Variants in FAM131B observed in about 807,000 individuals in gnomAD.
The protein encoded by FAM131B is family with sequence similarity 131 member B, also known as protein FAM131B.
FAM131B carries 19 observed loss-of-function variants against 42.0 expected under a neutral mutation model. The ratio of observed to expected loss-of-function variants is 0.45; its 90% CI spans 0.32 to 0.66. The LOEUF (loss-of-function observed/expected upper bound fraction) is 0.66. Ranked by LOEUF, FAM131B falls within the 30% of genes least tolerant of loss-of-function variation. The probability of loss-of-function intolerance (pLI) is 0.05; values close to 1 mark genes in which losing one functional copy is unlikely to be tolerated. For missense variants in FAM131B, 370 were observed against 468.4 expected (o/e 0.79, Z 1.94); for synonymous variants, 183 against 177.6 (o/e 1.03, Z -0.24).
chr7:143,360,256 C>A, intron 1 of FAM131B, 107 bp from the exon 2 acceptor site: 1 of 1,519,888 alleles, frequency 6.6e-7, no homozygotes, highest in Non-Finnish European at 8.8e-7. Context: ...CTGCCCATTT[C>A]CTCTTATATC....
chr7:143,375,273 A>G, the FAM131B span, among the ~76,000 whole-genome samples: 1 of 152,120 alleles, frequency 6.6e-6, no homozygotes, highest in Non-Finnish European at 1.5e-5. Flanking sequence ...GCCCTACTCC[A>G]CTATTCTTAG....
At chr7:143,380,813 G>T in the FAM131B span, 1 of 979,462 alleles carries the variant, frequency 1.0e-6, no homozygotes, top group African/African-American at 1.7e-5. The surrounding 1 kb of genome is among the most constrained non-coding windows in gnomAD (Gnocchi z 5.0). Flanking sequence ...AGCTCCATAC[G>T]TTCGGCCACC....
intron 1 of FAM131B, 33 bp from the exon 2 acceptor site, chr7:143,360,182 C>T: frequency 6.3e-7 from 1 of 1,576,300 alleles, no homozygotes; most frequent in Non-Finnish European, 8.6e-7. Context: ...CGCCGGCCCT[C>T]ACCTCCCTGT....
Position 143,359,010 on chromosome 7 carries a change from T to C in FAM131B, c.283A>G (p.Met95Val). ...KSSFSGISRS[M>V]KDHVTKPTAM... ...GTGGGCTTTGTCACATGGTCCTTCA[T>C]GCTCCGTGAGATCCCTATGGGGCCA... The change falls in exon 5 of 7, where the codon ATG (methionine) becomes GTG (valine). Residue 95 changes from methionine (M) to valine (V), a missense_variant. Met to Val is a conservative substitution (Grantham distance 21). Transcript: ENST00000443739. This position sits in a 1 kb window ranked among gnomAD's most constrained non-coding sequence, Gnocchi z 5.4. The C allele has an allele frequency of 6.2e-7, 1 of 1,613,826 alleles. No homozygotes were observed. The highest frequency in any genetic ancestry group is 8.5e-7 in the Non-Finnish European group (1 of 1,180,012).
rs373552917 is a variant in FAM131B, at chr7:143,359,448, G to A, written c.175-29C>T. Reference sequence around the variant, plus strand: ...GGATGGGAATGTGGGAGGAAGGGCAGAGGAATAAGAAGGTACGGGCGTGCT... The same window carrying A: ...GGATGGGAATGTGGGAGGAAGGGCAAAGGAATAAGAAGGTACGGGCGTGCT... On this transcript the variant is annotated intron_variant, in intron 3 of 6. Coordinates refer to ENST00000443739, the MANE Select transcript of FAM131B (RefSeq NM_001031690.3). The surrounding 1 kb of genome is among the most constrained non-coding windows in gnomAD (Gnocchi z 5.4). The A allele has an allele frequency of 1.1e-4, 173 of 1,551,808 alleles. No individual in the cohort carries two copies. The highest frequency in any genetic ancestry group is 1.5e-4 in the Non-Finnish European group (172 of 1,124,698).
rs1398830904 is a variant in FAM131B, at chr7:143,359,494, T to C, written c.175-75A>G. The stretch of plus-strand genomic sequence containing the variant: ...GTGCTTTATACATGGAGGAGGTTCA[T>C]GGTTTCCAGGAAAAAGCATTCGAGC... On this transcript the variant is annotated intron_variant, in intron 3 of 6. Coordinates refer to ENST00000443739, the MANE Select transcript of FAM131B (RefSeq NM_001031690.3). This position sits in a 1 kb window ranked among gnomAD's most constrained non-coding sequence, Gnocchi z 5.4. 15 of 1,215,782 alleles carry C rather than the reference T, an allele frequency of 1.2e-5. No individual in the cohort carries two copies. The Admixed American group carries it at 1.3e-4, about 11-fold the overall frequency. The allele number at this position is 1,215,782 out of a possible 1,614,324, so 75.3% of individuals were successfully genotyped here.
At position 143,355,095 on chromosome 7, in the gene FAM131B, T is replaced by C. The variant is rs964477426; in HGVS notation, c.*1455A>G. On this transcript the variant is annotated 3_prime_UTR_variant, in exon 7 of 7. Transcript: ENST00000443739. The surrounding 1 kb of genome is among the most constrained non-coding windows in gnomAD (Gnocchi z 4.1). ...GAAGGAGATAGGGCAGTGAGCCTCT[T>C]AGGCCTCTCTCTCCTACCCGAACTC... 1 of 152,458 alleles carries C rather than the reference T, an allele frequency of 6.6e-6. No homozygotes were observed. The highest frequency in any genetic ancestry group is 1.5e-5 in the Non-Finnish European group (1 of 68,278). The allele number at this position is 152,458 out of a possible 1,614,324, so 9.4% of individuals were successfully genotyped here.
At chr7:143,373,143 G>A in the FAM131B span, among the ~76,000 whole-genome samples, 1 of 152,034 alleles carries the variant, frequency 6.6e-6, no homozygotes, top group Admixed American at 6.6e-5. Flanking sequence ...AGCACTTTGG[G>A]AAGCTGAGGC....
chr7:143,381,021 G>GCC, the FAM131B span: 1 of 267,580 alleles, frequency 3.7e-6, no homozygotes, highest in Non-Finnish European at 5.8e-6. Flanking sequence ...CGGGTCGGGC[G>GCC]GGGAGGGGGA....
the FAM131B span, chr7:143,381,429 A>G: frequency 3.2e-6 from 4 of 1,257,562 alleles, no homozygotes; most frequent in South Asian, 1.2e-4. Context: ...GGGGAGCGGC[A>G]GGGCGGCCCC....
chr7:143,370,990 C>G, the FAM131B span, among the ~76,000 whole-genome samples: 2 of 152,194 alleles, frequency 1.3e-5, no homozygotes, highest in Admixed American at 1.3e-4. Flanking sequence ...GTGAGGGACT[C>G]ATGGTTACTC....
At chr7:143,366,149 C>T (rs1252410964), upstream of FAM131B, among the ~76,000 whole-genome samples, 1 of 152,168 alleles carries the variant, frequency 6.6e-6, no homozygotes, top group African/African-American at 2.4e-5. Context: ...ACTAAAGTTA[C>T]TCAACTCAGG....
chr7:143,366,161 C>T (rs1487972686), upstream of FAM131B, among the ~76,000 whole-genome samples: 1 of 152,218 alleles, frequency 6.6e-6, no homozygotes, highest in Non-Finnish European at 1.5e-5. Flanking sequence ...CAACTCAGGA[C>T]ATTTGAATGG....
the FAM131B span, among the ~76,000 whole-genome samples, chr7:143,371,613 C>CAAAAAAAAAAAAAA: frequency 2.3e-4 from 17 of 75,008 alleles, no homozygotes; most frequent in African/African-American, 6.5e-4. Context: ...GACCCTGTCT[C>CAAAAAAAAAAAAAA]AAAAAAAAAA....
the FAM131B span, chr7:143,382,188 G>A: frequency 2.1e-6 from 3 of 1,424,494 alleles, no homozygotes; most frequent in Non-Finnish European, 2.0e-6. Context: ...GGTTAACTGA[G>A]GGGAGCTTGG....
chr7:143,359,480 A>G lies in FAM131B; in HGVS notation c.175-61T>C. 7.7e-7 allele frequency: 1 copy of G among 1,304,020 alleles called. No homozygotes were observed. The highest frequency in any genetic ancestry group is 1.1e-6 in the Non-Finnish European group (1 of 906,440). The allele number at this position is 1,304,020 out of a possible 1,614,324, so 80.8% of individuals were successfully genotyped here. A position where few individuals can be genotyped will look rare whatever the true frequency, so the allele number is the denominator to read the frequency against. ...AAGAAGGTACGGGCGTGCTTTATAC[A>G]TGGAGGAGGTTCATGGTTTCCAGGA... On this transcript the variant is annotated intron_variant, in intron 3 of 6. Transcript: ENST00000443739. The surrounding 1 kb of genome is among the most constrained non-coding windows in gnomAD (Gnocchi z 5.4).
In FAM131B at chr7:143,362,133, G is replaced by T; in HGVS notation, c.28+443C>A. 1.5e-6 allele frequency: 1 copy of T among 674,186 alleles called. No homozygotes were observed. Among genetic ancestry groups the T allele is most frequent in the Non-Finnish European group, 1.8e-6 (1 of 544,544 alleles). The allele number at this position is 674,186 out of a possible 1,614,324, so 41.8% of individuals were successfully genotyped here. On this transcript the variant is annotated intron_variant, in intron 1 of 6. Transcript: ENST00000443739. The surrounding 1 kb of genome is among the most constrained non-coding windows in gnomAD (Gnocchi z 7.7). ...GCGGCGGCGGGGGGTGGCGTGGGGGGCGTGCGAAAGAAACTCGGGGCTGGC... is the reference window on the plus strand; with the variant it reads ...GCGGCGGCGGGGGGTGGCGTGGGGGTCGTGCGAAAGAAACTCGGGGCTGGC...
the FAM131B span, chr7:143,381,209 C>G: frequency 1.0e-6 from 1 of 1,000,840 alleles, no homozygotes. Flanking sequence ...CCGCCCTTCC[C>G]CGCTCTCCCC....
chr7:143,381,631 C>G, the FAM131B span: 1 of 1,612,348 alleles, frequency 6.2e-7, no homozygotes, highest in Admixed American at 1.7e-5. Flanking sequence ...CGGCTTTTTA[C>G]GCCCCGCAGA....
Sources: gnomAD v4.1 joint callset for allele counts (sites outside exome capture counted in the v4.1 genomes callset) on GRCh38, gnomAD v4.1.1 for gene constraint, Gnocchi (gnomAD v3.1) non-coding constraint, MANE v1.5 for transcripts, NCBI Gene and HGNC (gene_info 2026-07-23, HGNC 2026-07-21) for gene names.